Variants in ADGRL2 observed in about 807,000 individuals in gnomAD.
ADGRL2 encodes adhesion G protein-coupled receptor L2.
In ADGRL2, 44 loss-of-function variants were observed where a neutral mutation model predicts 157.4. The ratio of observed to expected loss-of-function variants is 0.28; its 90% CI spans 0.22 to 0.36. The LOEUF (loss-of-function observed/expected upper bound fraction) is 0.36. ADGRL2 is among the 10% of genes least tolerant of loss of function. ADGRL2 has a pLI of 1.00. For missense variants in ADGRL2, 1,510 were observed against 1,768.9 expected (o/e 0.85, Z 2.63); for synonymous variants, 585 against 624.7 (o/e 0.94, Z 0.95).
At chr1:81,921,539 A>G (rs1279162286) in intron 3 of ADGRL2, among the ~76,000 whole-genome samples, 1 of 152,220 alleles carries the variant, frequency 6.6e-6, no homozygotes, top group Non-Finnish European at 1.5e-5. Context: ...TCAGAAGAGC[A>G]CAACATTTGC....
At chr1:81,386,068 C>G (rs1490732816) in intron 1 of ADGRL2, among the ~76,000 whole-genome samples, 1 of 152,064 alleles carries the variant, frequency 6.6e-6, no homozygotes, top group Non-Finnish European at 1.5e-5. Flanking sequence ...ATAGCGCAAT[C>G]TATTAGGTTT....
intron 1 of ADGRL2, among the ~76,000 whole-genome samples, chr1:81,330,786 T>A (rs1009464683): frequency 6.6e-6 from 1 of 152,184 alleles, no homozygotes; most frequent in Non-Finnish European, 1.5e-5. Flanking sequence ...GGTTGACATC[T>A]GCACCAGGCA....
intron 3 of ADGRL2, among the ~76,000 whole-genome samples, chr1:81,609,231 G>T (rs1414865234): frequency 6.6e-6 from 1 of 151,866 alleles, no homozygotes; most frequent in Non-Finnish European, 1.5e-5. Flanking sequence ...GTAGAGACTG[G>T]GTTTCACCAT....
chr1:81,423,355 C>T (rs1391196138), intron 1 of ADGRL2, among the ~76,000 whole-genome samples: 1 of 152,154 alleles, frequency 6.6e-6, no homozygotes, highest in African/African-American at 2.4e-5. Flanking sequence ...AGCTGGCAGG[C>T]AGGCATGCCC....
At chr1:81,724,195 G>T (rs569034641) in intron 1 of ADGRL2, among the ~76,000 whole-genome samples, 1 of 152,186 alleles carries the variant, frequency 6.6e-6, no homozygotes, top group South Asian at 2.1e-4. Context: ...TTACTTGGCC[G>T]TGAGAATGCT....
intron 1 of ADGRL2, among the ~76,000 whole-genome samples, chr1:81,442,787 A>T (rs2077531710): frequency 6.6e-6 from 1 of 152,212 alleles, no homozygotes; most frequent in Non-Finnish European, 1.5e-5. Context: ...GTCCCATTGT[A>T]GAAGAAAATA....
chr1:81,748,787 C>T (rs1399114806), intron 1 of ADGRL2, among the ~76,000 whole-genome samples: 3 of 151,958 alleles, frequency 2.0e-5, no homozygotes, highest in African/African-American at 7.2e-5. Context: ...CCTGCCTTAG[C>T]CTCCCAAGTA....
At chr1:81,382,367 A>G (rs1306269804) in intron 1 of ADGRL2, among the ~76,000 whole-genome samples, 1 of 152,178 alleles carries the variant, frequency 6.6e-6, no homozygotes, top group Non-Finnish European at 1.5e-5. Context: ...TGAGTTTAAA[A>G]TAATAACAAT....
intron 1 of ADGRL2, among the ~76,000 whole-genome samples, chr1:81,429,770 A>C (rs1279754453): frequency 6.6e-6 from 1 of 152,226 alleles, no homozygotes; most frequent in African/African-American, 2.4e-5. Context: ...ATCTGTAGTG[A>C]GAGCCTTCCA....
intron 3 of ADGRL2, among the ~76,000 whole-genome samples, chr1:81,909,555 G>A (rs2094662883): frequency 6.6e-6 from 1 of 152,186 alleles, no homozygotes; most frequent in Non-Finnish European, 1.5e-5. Context: ...CAGTAGGTTA[G>A]AGAAGTCATA....
intron 3 of ADGRL2, among the ~76,000 whole-genome samples, chr1:81,628,106 G>T (rs1443863729): frequency 6.6e-6 from 1 of 152,162 alleles, no homozygotes; most frequent in Non-Finnish European, 1.5e-5. Flanking sequence ...TTTCAAGGTT[G>T]AATTAGACTC....
intron 2 of ADGRL2, among the ~76,000 whole-genome samples, chr1:81,509,461 C>T (rs2079037069): frequency 6.6e-6 from 1 of 152,092 alleles, no homozygotes; most frequent in African/African-American, 2.4e-5. Context: ...TATTCAAATC[C>T]ACATTTTGTA....
intron 17 of ADGRL2, 100 bp from the exon 18 acceptor site, chr1:81,979,769 T>A (rs1661147455): frequency 7.5e-6 from 5 of 667,804 alleles, no homozygotes; most frequent in East Asian, 2.6e-5. Flanking sequence ...AAAAATTATA[T>A]CAGTATCTTC....
chr1:81,888,053 G>T lies in ADGRL2; in HGVS notation c.74-18964G>T, dbSNP rs866359220. 1.2e-4 allele frequency among the ~76,000 whole-genome samples: 18 copies of T among 152,254 alleles called. No homozygotes were observed. The South Asian group carries it at 3.5e-3, about 30-fold the overall frequency. On this transcript the variant is annotated intron_variant, in intron 2 of 23. Transcript: ENST00000686636. Reference sequence around the variant, plus strand: ...TTTGGAATTTATCTTAAAAGACCAGGGAAAGCTGTCAAACCCATTCAGCCT... The same window carrying T: ...TTTGGAATTTATCTTAAAAGACCAGTGAAAGCTGTCAAACCCATTCAGCCT...
chr1:81,550,817 C>T (rs1387262632), intron 2 of ADGRL2, among the ~76,000 whole-genome samples: 6 of 150,392 alleles, frequency 4.0e-5, no homozygotes, highest in East Asian at 2.0e-4. Flanking sequence ...CCGTTCTACC[C>T]TCTTTACAGA....
At chr1:81,935,943 G>T (rs141392932) in intron 3 of ADGRL2, among the ~76,000 whole-genome samples, 1 of 151,788 alleles carries the variant, frequency 6.6e-6, no homozygotes, top group African/African-American at 2.4e-5. Flanking sequence ...AACATTCTAG[G>T]CATCATGTTA....
upstream of ADGRL2, among the ~76,000 whole-genome samples, chr1:81,797,653 A>G (rs1174764411): frequency 1.3e-5 from 2 of 152,194 alleles, no homozygotes; most frequent in Non-Finnish European, 2.9e-5. Context: ...GTATATTTTA[A>G]CAAGTGCCTG....
At chr1:81,401,322 C>A (rs138233756) in intron 1 of ADGRL2, among the ~76,000 whole-genome samples, 58 of 152,246 alleles carry the variant, frequency 3.8e-4, no homozygotes, top group Middle Eastern at 3.4e-3. Context: ...AGGCAGGGGA[C>A]CCCAGTGTTG....
At chr1:81,380,177 T>A (rs2076319498) in intron 1 of ADGRL2, among the ~76,000 whole-genome samples, 1 of 152,246 alleles carries the variant, frequency 6.6e-6, no homozygotes, top group African/African-American at 2.4e-5. Context: ...TTAATTTGCA[T>A]TTCTTTGACT....
Sources: gnomAD v4.1 joint callset for allele counts (sites outside exome capture counted in the v4.1 genomes callset) on GRCh38, gnomAD v4.1.1 for gene constraint, MANE v1.5 for transcripts, NCBI Gene and HGNC (gene_info 2026-07-23, HGNC 2026-07-21) for gene names.